The following PRKCA variants were observed in gnomAD, a reference collection of about 807,000 sequenced individuals.
PRKCA encodes the protein protein kinase C alpha type.
PRKCA carries 27 observed loss-of-function variants against 87.0 expected under a neutral mutation model. That is an observed-to-expected ratio of 0.31 (90% CI 0.23 to 0.43). The LOEUF (loss-of-function observed/expected upper bound fraction) is 0.43, where lower values mean the gene tolerates loss of function less well. Among genes scored for constraint, PRKCA ranks in the 20% least tolerant of loss-of-function variants. The probability of loss-of-function intolerance (pLI) is 1.00; values close to 1 mark genes in which losing one functional copy is unlikely to be tolerated. For missense variants in PRKCA, 518 were observed against 852.3 expected, an observed-to-expected ratio of 0.61 and a Z score of 4.88; for synonymous variants, 329 against 311.1, an observed-to-expected ratio of 1.06 and a Z score of -0.61.
intron 5 of PRKCA, among the ~76,000 whole-genome samples, chr17:66,661,499 TC>T (rs1249733168): frequency 6.6e-6 from 1 of 152,164 alleles, no homozygotes; most frequent in East Asian, 1.9e-4. Context: ...GTGAAATTAC[TC>T]AAGAGGGACA....
At chr17:66,669,168 G>A (rs954403941) in intron 5 of PRKCA, among the ~76,000 whole-genome samples, 1 of 151,900 alleles carries the variant, frequency 6.6e-6, no homozygotes, top group Admixed American at 6.6e-5. Flanking sequence ...AACAGGTTGA[G>A]AGGAAAAGCA....
At chr17:66,671,083 C>T (rs778564188) in intron 5 of PRKCA, among the ~76,000 whole-genome samples, 27 of 148,458 alleles carry the variant, frequency 1.8e-4, no homozygotes, top group South Asian at 4.3e-4. Context: ...TGGTGGTGTG[C>T]GCCTGTAATC....
At chr17:66,464,663 A>G (rs1475788563) in intron 2 of PRKCA, among the ~76,000 whole-genome samples, 1 of 152,188 alleles carries the variant, frequency 6.6e-6, no homozygotes. Context: ...CCATCTGTAC[A>G]TCTTCTTTGG....
intron 3 of PRKCA, among the ~76,000 whole-genome samples, chr17:66,634,664 G>A (rs1354155351): frequency 6.6e-6 from 1 of 152,210 alleles, no homozygotes; most frequent in East Asian, 1.9e-4. Flanking sequence ...GGTCTACCAT[G>A]TAGGAGATAA....
Position 66,805,123 on chromosome 17 carries a change from T to A in PRKCA, c.*1086T>A, listed in dbSNP as rs1401711586. ...CCCTTCTCTAGCCCTGGATGTCCAC[T>A]TAGGGATAAAAAGAATATGGTTTTG... On this transcript the variant is annotated 3_prime_UTR_variant, in exon 17 of 17. Transcript: ENST00000413366. The A allele has an allele frequency of 1.9e-5, 19 of 984,150 alleles. No individual in the cohort carries two copies. Among genetic ancestry groups the A allele is most frequent in the Non-Finnish European group, 2.2e-5 (18 of 828,722 alleles). The allele number at this position is 984,150 out of a possible 1,614,324, so 61.0% of individuals were successfully genotyped here.
chr17:66,439,440 G>A (rs903436164), intron 2 of PRKCA, among the ~76,000 whole-genome samples: 3 of 152,100 alleles, frequency 2.0e-5, no homozygotes, highest in Non-Finnish European at 2.9e-5. Context: ...TTGCCCTCCC[G>A]AAGTGCTGGG....
chr17:66,747,106 CT>C (rs1268585414), intron 13 of PRKCA, among the ~76,000 whole-genome samples: 2 of 152,202 alleles, frequency 1.3e-5, no homozygotes, highest in Non-Finnish European at 2.9e-5. Flanking sequence ...GAGTTTCGCT[CT>C]GTCGTCCAGG....
intron 8 of PRKCA, among the ~76,000 whole-genome samples, chr17:66,699,132 G>C (rs1219175655): frequency 6.7e-6 from 1 of 149,858 alleles, no homozygotes; most frequent in East Asian, 2.0e-4. Context: ...TCAGGAATTT[G>C]AGGCTGTGGA....
intron 2 of PRKCA, among the ~76,000 whole-genome samples, chr17:66,464,188 A>T (rs768335170): frequency 6.6e-6 from 1 of 151,956 alleles, no homozygotes; most frequent in African/African-American, 2.4e-5. Context: ...TGTTTTTTCT[A>T]TGTCTTTTCG....
At chr17:66,710,593 G>A (rs1232495363) in intron 8 of PRKCA, among the ~76,000 whole-genome samples, 1 of 152,024 alleles carries the variant, frequency 6.6e-6, no homozygotes, top group East Asian at 1.9e-4. Flanking sequence ...CGCGTGTTCT[G>A]GTAGCTTGAA....
chr17:66,518,842 G>T (rs1207572325), intron 3 of PRKCA, among the ~76,000 whole-genome samples: 2 of 152,166 alleles, frequency 1.3e-5, no homozygotes, highest in East Asian at 3.8e-4. Context: ...TGCTGCTGTT[G>T]TCATGGAAAC....
At chr17:66,305,050 C>A (rs1337198228) in intron 1 of PRKCA, among the ~76,000 whole-genome samples, 1 of 152,142 alleles carries the variant, frequency 6.6e-6, no homozygotes, top group African/African-American at 2.4e-5. Context: ...GCTCAGGTCA[C>A]CACCAGTATT....
chr17:66,486,546 C>T (rs1383586795), intron 2 of PRKCA, among the ~76,000 whole-genome samples: 1 of 152,062 alleles, frequency 6.6e-6, no homozygotes, highest in Non-Finnish European at 1.5e-5. Flanking sequence ...CTCTCCAGCC[C>T]CCAGGCTCTC....
intron 3 of PRKCA, among the ~76,000 whole-genome samples, chr17:66,538,973 A>G (rs373152096): frequency 1.1e-4 from 16 of 152,230 alleles, no homozygotes; most frequent in Non-Finnish European, 2.2e-4. Context: ...ATTAACAGTT[A>G]TGCTGCCAGA....
intron 5 of PRKCA, among the ~76,000 whole-genome samples, chr17:66,680,596 A>G (rs1972462904): frequency 6.6e-6 from 1 of 152,164 alleles, no homozygotes; most frequent in South Asian, 2.1e-4. Context: ...ATAGACATGA[A>G]CCCTTTGATG....
intron 2 of PRKCA, among the ~76,000 whole-genome samples, chr17:66,327,203 A>T (rs1432966720): frequency 1.3e-5 from 2 of 151,776 alleles, no homozygotes; most frequent in Non-Finnish European, 2.9e-5. Flanking sequence ...CGTCTCTACT[A>T]AAAAATACAA....
At chr17:66,480,921 G>A (rs948836991) in intron 2 of PRKCA, among the ~76,000 whole-genome samples, 3 of 152,054 alleles carry the variant, frequency 2.0e-5, no homozygotes, top group Non-Finnish European at 2.9e-5. Context: ...TCCTTCCCCC[G>A]GTGCTTGATT....
chr17:66,546,513 C>T (rs1180653290), intron 3 of PRKCA, among the ~76,000 whole-genome samples: 2 of 152,226 alleles, frequency 1.3e-5, no homozygotes, highest in Non-Finnish European at 2.9e-5. Flanking sequence ...CGCTAATCCT[C>T]TATGTTCATT....
intron 3 of PRKCA, among the ~76,000 whole-genome samples, chr17:66,497,979 CCA>C (rs1344225572): frequency 5.9e-5 from 9 of 152,132 alleles, no homozygotes; most frequent in Non-Finnish European, 1.0e-4. Context: ...CACACGGGTT[CCA>C]CAAAGGCTCA....
Sources: gnomAD v4.1 joint callset for allele counts (sites outside exome capture counted in the v4.1 genomes callset) on GRCh38, gnomAD v4.1.1 for gene constraint, MANE v1.5 for transcripts, NCBI Gene and HGNC (gene_info 2026-07-23, HGNC 2026-07-21) for gene names.